Variants in PCDHA7 observed in about 807,000 individuals in gnomAD.
PCDHA7 encodes the protein protocadherin alpha 7.
Under a neutral mutation model 57.2 loss-of-function variants are expected in PCDHA7, and 37 were observed. That is an observed-to-expected ratio of 0.65 (90% CI 0.50 to 0.85). PCDHA7 has a LOEUF of 0.85. PCDHA7 is among the 40% of genes least tolerant of loss of function. The probability of loss-of-function intolerance (pLI) is 0.00; values close to 1 mark genes in which losing one functional copy is unlikely to be tolerated. For synonymous variants in PCDHA7, 553 were observed against 558.8 expected (o/e 0.99, Z 0.15); for missense variants, 1,188 against 1,241.8 (o/e 0.96, Z 0.65).
chr5:140,870,352 G>C, intron 1 of PCDHA7: 8 of 1,614,226 alleles, frequency 5.0e-6, no homozygotes, highest in Non-Finnish European at 5.9e-6. Context: ...CCGCGAGAAC[G>C]TGTGGGCCTA....
chr5:140,903,301 A>G (rs575233990), intron 1 of PCDHA7, among the ~76,000 whole-genome samples: 1 of 152,302 alleles, frequency 6.6e-6, no homozygotes, highest in East Asian at 1.9e-4. Context: ...GAAATTTAGT[A>G]TACAATAAAG....
At chr5:140,922,430 A>G (rs574413053) in intron 1 of PCDHA7, among the ~76,000 whole-genome samples, 6 of 152,246 alleles carry the variant, frequency 3.9e-5, no homozygotes, top group Non-Finnish European at 7.3e-5. Context: ...GGCTGAGGGC[A>G]GAACTCTCTC....
At chr5:140,876,861 C>T (rs2056651575) in intron 1 of PCDHA7, 6 of 1,613,970 alleles carry the variant, frequency 3.7e-6, no homozygotes, top group African/African-American at 1.3e-5. Context: ...ACACAGTGTT[C>T]GTGAAGGAGA....
chr5:140,902,419 T>C (rs2069442508), intron 1 of PCDHA7, among the ~76,000 whole-genome samples: 1 of 152,118 alleles, frequency 6.6e-6, no homozygotes, highest in Non-Finnish European at 1.5e-5. Flanking sequence ...ATAACAGTGG[T>C]GAAAGTGGGC....
intron 1 of PCDHA7, chr5:140,969,003 G>A: frequency 6.2e-7 from 1 of 1,614,226 alleles, no homozygotes; most frequent in Admixed American, 1.7e-5. Context: ...GGAGGCTTCT[G>A]TGGAGTAAGG....
intron 1 of PCDHA7, among the ~76,000 whole-genome samples, chr5:140,951,812 A>G (rs2094639418): frequency 1.3e-5 from 2 of 152,152 alleles, no homozygotes; most frequent in Admixed American, 1.3e-4. Context: ...ATGGTCCCTC[A>G]AAGTCTGAAC....
intron 1 of PCDHA7, chr5:140,869,778 C>G (rs782226363): frequency 6.2e-7 from 1 of 1,612,924 alleles, no homozygotes. Flanking sequence ...TTACTGGCAC[C>G]GTTCGGCTGT....
At chr5:140,892,083 C>T (rs1019565386) in intron 1 of PCDHA7, among the ~76,000 whole-genome samples, 5 of 152,144 alleles carry the variant, frequency 3.3e-5, no homozygotes, top group African/African-American at 1.2e-4. Context: ...TTTCTAGTTT[C>T]CTCTCGAAAC....
chr5:140,918,111 C>T (rs1035723043), intron 1 of PCDHA7, among the ~76,000 whole-genome samples: 1 of 152,016 alleles, frequency 6.6e-6, no homozygotes, highest in Non-Finnish European at 1.5e-5. Flanking sequence ...CTTTCACATC[C>T]TTGATTAGCC....
At chr5:140,847,086 A>G (rs1439792842) in intron 1 of PCDHA7, among the ~76,000 whole-genome samples, 1 of 149,852 alleles carries the variant, frequency 6.7e-6, no homozygotes, top group East Asian at 1.9e-4. Flanking sequence ...AGAAAAGTCC[A>G]CTTTGGTTAA....
Position 141,009,737 on chromosome 5 carries a change from C to T in PCDHA7, c.2614C>T (p.Pro872Ser). The T allele has an allele frequency of 6.2e-7, 1 of 1,614,130 alleles. No homozygotes were observed. The highest frequency in any genetic ancestry group is 8.5e-7 in the Non-Finnish European group (1 of 1,180,024). Residue 872 changes from proline (P) to serine (S), a missense_variant, in exon 4 of 4, where the codon CCC becomes TCC. Physicochemically the swap from Pro to Ser is moderately conservative, Grantham distance 74 (BLOSUM62 -1). Coordinates refer to ENST00000525929, the MANE Select transcript of PCDHA7 (RefSeq NM_018910.3). ...NPKQSGPGEL[P>S]DKFIIPGSPA... Reference sequence around the variant, plus strand: ...CAAACAATCCGGTCCCGGTGAGTTGCCCGACAAATTCATTATCCCAGGATC... The same window carrying T: ...CAAACAATCCGGTCCCGGTGAGTTGTCCGACAAATTCATTATCCCAGGATC...
At chr5:140,893,318 T>C (rs1329749503) in intron 1 of PCDHA7, among the ~76,000 whole-genome samples, 2 of 152,170 alleles carry the variant, frequency 1.3e-5, no homozygotes, top group African/African-American at 2.4e-5. Context: ...TTTGAGGGAC[T>C]CCCATACTGT....
At chr5:140,913,934 G>C (rs1554196103) in intron 1 of PCDHA7, among the ~76,000 whole-genome samples, 1 of 152,102 alleles carries the variant, frequency 6.6e-6, no homozygotes, top group African/African-American at 2.4e-5. Context: ...TGTGGTCAGA[G>C]AAGAATCTTG....
chr5:140,858,695 T>C (rs563307566), intron 1 of PCDHA7: 3 of 571,446 alleles, frequency 5.2e-6, no homozygotes, highest in Admixed American at 3.6e-5. Flanking sequence ...TATTTTCCAA[T>C]ACAAATATGT....
intron 1 of PCDHA7, chr5:140,884,448 CCACCGAGGGCGCGTGCGCGCCGGG>C (rs1244657512): frequency 1.9e-6 from 3 of 1,613,716 alleles, no homozygotes; most frequent in Non-Finnish European, 2.5e-6. Context: ...TCGGCACCGC[CCACCGAGGGCGCGTGCGCGCCGGG>C]CAAGCCCACT....
chr5:140,971,537 G>T (rs1414023721), intron 1 of PCDHA7, among the ~76,000 whole-genome samples: 1 of 152,136 alleles, frequency 6.6e-6, no homozygotes, highest in Non-Finnish European at 1.5e-5. Flanking sequence ...AGTCATCATT[G>T]CCAGATCAAC....
chr5:140,849,170 C>A lies in PCDHA7; in HGVS notation c.2355+12432C>A, dbSNP rs2150431916. 4.4e-5 allele frequency: 49 copies of A among 1,111,512 alleles called. No homozygotes were observed. The African/African-American group carries it at 7.8e-4, about 18-fold the overall frequency. 68.9% of individuals were successfully genotyped at this position (1,111,512 alleles called of 1,614,324 possible). ...GAGGCAAACCCGAGCTGACTGGCAC[C>A]GTTCAATTACTCATCACGGTACTGG... On this transcript the variant is annotated intron_variant, in intron 1 of 3. Transcript: ENST00000525929.
chr5:140,982,596 G>A, intron 3 of PCDHA7, 33 bp downstream of exon 3: 2 of 1,609,850 alleles, frequency 1.2e-6, no homozygotes, highest in South Asian at 2.2e-5. Flanking sequence ...TTCTTTCTTG[G>A]TTTCTGGAAA....
intron 1 of PCDHA7, among the ~76,000 whole-genome samples, chr5:140,943,885 T>C (rs762067236): frequency 6.6e-5 from 10 of 152,242 alleles, no homozygotes; most frequent in Non-Finnish European, 1.2e-4. Flanking sequence ...TTCATTGGAC[T>C]GGTCATTATG....
Sources: allele counts gnomAD v4.1 joint callset (sites outside exome capture counted in the v4.1 genomes callset), GRCh38; gene constraint gnomAD v4.1.1; transcripts MANE v1.5; gene names NCBI Gene and HGNC (gene_info 2026-07-23, HGNC 2026-07-21).